CARD14: variants seen among roughly 807,000 people sequenced by gnomAD.
CARD14 encodes caspase recruitment domain family member 14, also known as caspase recruitment domain-containing protein 14.
A neutral mutation model predicts 111.5 loss-of-function variants in CARD14; 107 were observed. The observed-to-expected ratio is 0.96, with a 90% CI of 0.82 to 1.13. The LOEUF (loss-of-function observed/expected upper bound fraction) is 1.13, where lower values mean the gene tolerates loss of function less well. Ranked by LOEUF, CARD14 falls within the 50% of genes most tolerant of loss-of-function variation. The pLI, the probability that CARD14 is intolerant of heterozygous loss-of-function variation, is 0.00. For missense variants in CARD14, 1,322 were observed against 1,362.3 expected (o/e 0.97, Z 0.47); for synonymous variants, 617 against 579.6 (o/e 1.06, Z -0.93).
intron 2 of CARD14, among the ~76,000 whole-genome samples, chr17:80,177,949 A>C (rs980091046): frequency 6.6e-6 from 1 of 152,080 alleles, no homozygotes; most frequent in African/African-American, 2.4e-5. Context: ...GGTCCTACTT[A>C]CAGGTACTGG....
At chr17:80,176,552 T>C (rs1298131228) in intron 2 of CARD14, among the ~76,000 whole-genome samples, 1 of 151,998 alleles carries the variant, frequency 6.6e-6, no homozygotes, top group Non-Finnish European at 1.5e-5. Context: ...CACAGTTAAC[T>C]TTAGGACATT....
chr17:80,204,615 ACT>A (rs2041175944), intron 20 of CARD14: 2 of 362,740 alleles, frequency 5.5e-6, no homozygotes, highest in Non-Finnish European at 1.0e-5. Flanking sequence ...TAAGAGCAAA[ACT>A]CTGTCTCAGG....
At chr17:80,179,039 C>T (rs1476777160) in intron 3 of CARD14, 65 bp from the exon 4 acceptor site, 1 of 152,278 alleles carries the variant, frequency 6.6e-6, no homozygotes, top group East Asian at 1.9e-4. Context: ...AGCCACTGGC[C>T]CCGGCCCATT....
intron 20 of CARD14, chr17:80,204,601 G>A (rs993572322): frequency 1.0e-5 from 4 of 390,270 alleles, no homozygotes; most frequent in African/African-American, 4.0e-5. Context: ...TCCAGCCTGG[G>A]CAATAAGAGC....
At chr17:80,204,743 A>C in intron 20 of CARD14, 1 of 428,254 alleles carries the variant, frequency 2.3e-6, no homozygotes, top group East Asian at 3.6e-5. Context: ...GAAGGAAGAA[A>C]ACCCTGGCTT....
chr17:80,188,074 T>A lies in CARD14; in HGVS notation c.676-303T>A. 1 of 693,062 alleles carries A rather than the reference T, an allele frequency of 1.4e-6. No homozygotes were observed. Among genetic ancestry groups the A allele is most frequent in the Non-Finnish European group, 1.8e-6 (1 of 547,238 alleles). The allele number at this position is 693,062 out of a possible 1,614,324, so 42.9% of individuals were successfully genotyped here. A position where few individuals can be genotyped will look rare whatever the true frequency, so the allele number is the denominator to read the frequency against. The stretch of plus-strand genomic sequence containing the variant: ...GCCATCACTGCCGGCTGCTCAGCTG[T>A]AGAGATCCAGGAGTTGGTTATCAAG... On this transcript the variant is annotated intron_variant, in intron 7 of 23. Transcript: ENST00000648509. The surrounding 1 kb of genome is among the most constrained non-coding windows in gnomAD (Gnocchi z 4.5).
rs2040689132 is a variant in CARD14 at position 80,195,690 on chromosome 17, C to T, written c.1594+38C>T. On this transcript the variant is annotated intron_variant, in intron 14 of 23. Coordinates refer to ENST00000648509, the MANE Select transcript of CARD14 (RefSeq NM_001366385.1). The surrounding 1 kb of genome is among the most constrained non-coding windows in gnomAD (Gnocchi z 4.7). ...AACCCTGAACCTCCACAGCAGTCCA[C>T]CTCCCCTGGGCAGAGCAGGGAGCTG... is the stretch of plus-strand genomic sequence containing the variant. The T allele has an allele frequency of 6.4e-7, 1 of 1,552,346 alleles. No individual in the cohort carries two copies. Among genetic ancestry groups the T allele is most frequent in the African/African-American group, 1.4e-5 (1 of 73,590 alleles).
At position 80,207,276 on chromosome 17, in the gene CARD14, C is replaced by T. The variant is rs188330644; in HGVS notation, c.2807+191C>T. On this transcript the variant is annotated intron_variant, in intron 23 of 23. Transcript: ENST00000648509. ...TGAGATTCCCCTGATTTTGGCCGGGCGTGGTGGCTCACGCCTGTAATCCCA... is the reference window on the plus strand; with the variant it reads ...TGAGATTCCCCTGATTTTGGCCGGGTGTGGTGGCTCACGCCTGTAATCCCA... 3.9e-4 allele frequency among the ~76,000 whole-genome samples: 59 copies of T among 152,208 alleles called. 1 individual carries two copies. The highest frequency in any genetic ancestry group is 3.4e-3 in the Middle Eastern group (1 of 294).
Position 80,184,163 on chromosome 17 carries a change from C to T in CARD14, c.600C>T (p.Ser200=), listed in dbSNP as rs767422020. The T allele has an allele frequency of 2.6e-6, 4 of 1,564,054 alleles. No individual in the cohort carries two copies. The highest frequency in any genetic ancestry group is 3.5e-6 in the Non-Finnish European group (4 of 1,154,496). The change falls in exon 7 of 24, where the codon AGC becomes AGT. Residue 200 remains serine (S), a synonymous_variant. Coordinates refer to ENST00000648509, the MANE Select transcript of CARD14 (RefSeq NM_001366385.1). Reference sequence around the variant, plus strand: ...TGAGGCTGAAGGACGAGATGCTCAGCCTCTCGCTGCACTATAGCAATGCGC... The same window carrying T: ...TGAGGCTGAAGGACGAGATGCTCAGTCTCTCGCTGCACTATAGCAATGCGC... The part of the protein sequence containing the change: ...EVLRLKDEML[S]LSLHYSNALQ...
At position 80,195,807 on chromosome 17, in the gene CARD14, A is replaced by T. The variant is rs556036540; in HGVS notation, c.1594+155A>T. On this transcript the variant is annotated intron_variant, in intron 14 of 23. Transcript: ENST00000648509. The surrounding 1 kb of genome is among the most constrained non-coding windows in gnomAD (Gnocchi z 4.7). Reference sequence around the variant, plus strand: ...GCCTTGACCTTGGCCTCGACCTTGCACTTTGGGAAAGTCCCGCCTGCCAGC... The same window carrying T: ...GCCTTGACCTTGGCCTCGACCTTGCTCTTTGGGAAAGTCCCGCCTGCCAGC... 1.5e-5 allele frequency: 10 copies of T among 650,024 alleles called. No individual in the cohort carries two copies. Among genetic ancestry groups the T allele is most frequent in the Non-Finnish European group, 2.6e-5 (10 of 382,624 alleles). The allele number at this position is 650,024 out of a possible 1,614,324, so 40.3% of individuals were successfully genotyped here. A position where few individuals can be genotyped will look rare whatever the true frequency, so the allele number is the denominator to read the frequency against.
intron 20 of CARD14, chr17:80,204,586 TGCACTCCA>T (rs2041174029): frequency 2.4e-6 from 1 of 420,896 alleles, no homozygotes; most frequent in African/African-American, 2.0e-5. Context: ...ATGGTGCCAT[TGCACTCCA>T]GCCTGGGCAA....
intron 16 of CARD14, among the ~76,000 whole-genome samples, chr17:80,199,722 T>C (rs534328331): frequency 1.3e-3 from 126 of 93,560 alleles, no homozygotes; most frequent in Admixed American, 5.1e-3. Flanking sequence ...CTACTAAAAA[T>C]ACAAAAAAAA....
chr17:80,172,753 G>A (rs749915489), intron 1 of CARD14, among the ~76,000 whole-genome samples, 153 bp from the exon 2 acceptor site: 14 of 151,950 alleles, frequency 9.2e-5, no homozygotes, highest in Non-Finnish European at 1.3e-4. Flanking sequence ...GTTCTGTGGC[G>A]AACACTTCTA....
chr17:80,171,959 G>A (rs1567861481), intron 1 of CARD14, among the ~76,000 whole-genome samples: 3 of 152,180 alleles, frequency 2.0e-5, no homozygotes, highest in South Asian at 2.1e-4. Flanking sequence ...GAAGGCACCC[G>A]AGAAACCTGT....
chr17:80,178,171 G>A (rs540892272), intron 2 of CARD14, among the ~76,000 whole-genome samples: 21 of 152,292 alleles, frequency 1.4e-4, no homozygotes, highest in African/African-American at 4.8e-4. Context: ...TTCCGGGCAA[G>A]GAGACTCAGC....
chr17:80,195,236 G>A lies in CARD14; in HGVS notation c.1402G>A (p.Val468Met), dbSNP rs1303829767. 3 of 1,612,094 alleles carry A rather than the reference G, an allele frequency of 1.9e-6. No individual in the cohort carries two copies. Residue 468 changes from valine to methionine, a missense_variant, in exon 13 of 24, where the codon GTG becomes ATG. Val to Met is a conservative substitution (Grantham distance 21). Coordinates refer to ENST00000648509, the MANE Select transcript of CARD14 (RefSeq NM_001366385.1). This position sits in a 1 kb window ranked among gnomAD's most constrained non-coding sequence, Gnocchi z 4.7. ...GAGTGCCACGTCCAGCCGCGAGCTG[G>A]TGGACAGCTTCCGCTCCAGCAGCCC... ...DLSATSSREL[V>M]DSFRSSSPAP...
chr17:80,208,087 T>C, intron 23 of CARD14, 51 bp from the exon 24 acceptor site: 1 of 1,379,402 alleles, frequency 7.2e-7, no homozygotes. Context: ...CCAGGGCTCC[T>C]GGGCCCTTGC....
At chr17:80,176,252 A>T (rs1446031485) in intron 2 of CARD14, among the ~76,000 whole-genome samples, 1 of 150,804 alleles carries the variant, frequency 6.6e-6, no homozygotes, top group Non-Finnish European at 1.5e-5. Flanking sequence ...CAACATAGTG[A>T]GACCCCCTTC....
chr17:80,187,727 C>A, intron 7 of CARD14: 1 of 984,548 alleles, frequency 1.0e-6, no homozygotes, highest in South Asian at 4.7e-5. Flanking sequence ...GTCCTGCCTC[C>A]CCAGGGCTGC....
Sources: allele counts gnomAD v4.1 joint callset (sites outside exome capture counted in the v4.1 genomes callset), GRCh38; gene constraint gnomAD v4.1.1; non-coding constraint Gnocchi (gnomAD v3.1); transcripts MANE v1.5; gene names NCBI Gene and HGNC (gene_info 2026-07-23, HGNC 2026-07-21).